The following GALNT10 variants were observed in gnomAD, a reference collection of about 807,000 sequenced individuals.
GALNT10 encodes polypeptide N-acetylgalactosaminyltransferase 10.
A neutral mutation model predicts 75.0 loss-of-function variants in GALNT10; 41 were observed. The observed-to-expected ratio is 0.55, with a 90% CI of 0.43 to 0.71. GALNT10 has a LOEUF of 0.71. Ranked by LOEUF, GALNT10 falls within the 30% of genes least tolerant of loss-of-function variation. The pLI is 0.00. For missense variants in GALNT10, 727 were observed against 818.5 expected (o/e 0.89, Z 1.36); for synonymous variants, 302 against 313.0 (o/e 0.96, Z 0.37).
chr5:154,383,114 G>A (rs1453079673), intron 6 of GALNT10, among the ~76,000 whole-genome samples: 2 of 152,222 alleles, frequency 1.3e-5, no homozygotes, highest in African/African-American at 4.8e-5. Context: ...CACTGGTGTA[G>A]ATGCTTTCTG....
intron 1 of GALNT10, among the ~76,000 whole-genome samples, chr5:154,211,738 C>G (rs1464788957): frequency 6.6e-6 from 1 of 152,150 alleles, no homozygotes; most frequent in Non-Finnish European, 1.5e-5. Context: ...TAATCTACTT[C>G]CAAGATGGCT....
rs1043242134 is a variant in GALNT10, at chr5:154,205,690, G to C, written c.159+14665G>C. The stretch of plus-strand genomic sequence containing the variant: ...ATAGGGTGGGCCCTTAATCCTCTGT[G>C]ACTGACTGATATCCTTATAAGAAGA... On this transcript the variant is annotated intron_variant, in intron 1 of 11. Transcript: ENST00000297107. 2.6e-5 allele frequency among the ~76,000 whole-genome samples: 4 copies of C among 152,328 alleles called. No homozygotes were observed. In the East Asian group the frequency reaches 7.7e-4, roughly 29 times the overall value.
At chr5:154,346,410 G>C (rs114355921) in intron 4 of GALNT10, among the ~76,000 whole-genome samples, 1,871 of 152,232 alleles carry the variant, frequency 0.012, 30 homozygotes, top group African/African-American at 0.043. Flanking sequence ...TGGAAAATAT[G>C]AGCCAAAGCT....
intron 1 of GALNT10, among the ~76,000 whole-genome samples, chr5:154,290,903 G>A (rs1163977829): frequency 6.6e-6 from 1 of 152,204 alleles, no homozygotes; most frequent in Admixed American, 6.5e-5. Flanking sequence ...ATTTAGCTCA[G>A]ATGGCTGAGG....
intron 1 of GALNT10, among the ~76,000 whole-genome samples, chr5:154,259,839 A>G (rs1753674141): frequency 6.6e-6 from 1 of 152,238 alleles, no homozygotes. Context: ...GTTCTAACCA[A>G]CAACATGAAG....
Position 154,352,536 on chromosome 5 carries a change from G to A in GALNT10, c.568+22798G>A, listed in dbSNP as rs879402223. ...TGCAGCTGGGAGAGGTTAAGTAATT[G>A]GCCCAAGATCGCACAGCTAGTAAAC... On this transcript the variant is annotated intron_variant, in intron 4 of 11. Transcript: ENST00000297107. This position sits in a 1 kb window ranked among gnomAD's most constrained non-coding sequence, Gnocchi z 4.4. 6.6e-6 allele frequency among the ~76,000 whole-genome samples: 1 copy of A among 152,144 alleles called. No homozygotes were observed. Among genetic ancestry groups the A allele is most frequent in the Non-Finnish European group, 1.5e-5 (1 of 68,024 alleles).
chr5:154,291,966 T>C (rs1754200865), intron 1 of GALNT10, among the ~76,000 whole-genome samples: 1 of 152,170 alleles, frequency 6.6e-6, no homozygotes, highest in African/African-American at 2.4e-5. Flanking sequence ...GGCATGTCTT[T>C]TAGGTTTTCA....
intron 1 of GALNT10, among the ~76,000 whole-genome samples, chr5:154,214,699 T>C (rs1752839434): frequency 6.6e-6 from 1 of 152,182 alleles, no homozygotes; most frequent in Admixed American, 6.5e-5. Context: ...CGGGAAGGGA[T>C]TCAGTCAGCT....
intron 7 of GALNT10, among the ~76,000 whole-genome samples, chr5:154,395,233 C>A (rs17637385): frequency 0.27 from 41,163 of 152,172 alleles, 6,672 homozygotes; most frequent in Non-Finnish European, 0.37. Context: ...AGGAGGCACT[C>A]AATAAGTGGC....
chr5:154,340,725 C>T (rs1755021409), intron 4 of GALNT10, among the ~76,000 whole-genome samples: 1 of 152,168 alleles, frequency 6.6e-6, no homozygotes, highest in Non-Finnish European at 1.5e-5. Context: ...TAAAGAACTT[C>T]CAGCCCCTGA....
At chr5:154,368,392 T>G (rs1475734295) in intron 4 of GALNT10, among the ~76,000 whole-genome samples, 1 of 152,178 alleles carries the variant, frequency 6.6e-6, no homozygotes, top group African/African-American at 2.4e-5. Flanking sequence ...GATATTGAAT[T>G]GTATGCTTTA....
chr5:154,260,158 C>T (rs922114330), intron 1 of GALNT10, among the ~76,000 whole-genome samples: 2 of 152,138 alleles, frequency 1.3e-5, no homozygotes, highest in Non-Finnish European at 2.9e-5. Flanking sequence ...TACTATTTCT[C>T]CTCTGAGAAG....
chr5:154,344,403 G>T (rs1446292378), intron 4 of GALNT10, among the ~76,000 whole-genome samples: 1 of 151,742 alleles, frequency 6.6e-6, no homozygotes, highest in Non-Finnish European at 1.5e-5. Flanking sequence ...ATAGAAACAG[G>T]GTTTCACTAT....
At chr5:154,294,137 C>A (rs555974245) in intron 1 of GALNT10, among the ~76,000 whole-genome samples, 1 of 152,262 alleles carries the variant, frequency 6.6e-6, no homozygotes, top group Non-Finnish European at 1.5e-5. Context: ...CCCAGGAGTT[C>A]AAGACCAACC....
chr5:154,308,803 G>A (rs1227876798), intron 3 of GALNT10, among the ~76,000 whole-genome samples: 3 of 152,170 alleles, frequency 2.0e-5, no homozygotes, highest in Non-Finnish European at 4.4e-5. Context: ...GAGATTTCAA[G>A]CATATTAGTC....
At chr5:154,411,747 T>C (rs1470037175) in intron 9 of GALNT10, among the ~76,000 whole-genome samples, 3 of 152,212 alleles carry the variant, frequency 2.0e-5, no homozygotes, top group African/African-American at 7.2e-5. Flanking sequence ...GCTTCCTCAC[T>C]TGTGTTAGTT....
At chr5:154,359,358 C>T (rs1755346195) in intron 4 of GALNT10, among the ~76,000 whole-genome samples, 1 of 152,040 alleles carries the variant, frequency 6.6e-6, no homozygotes, top group South Asian at 2.1e-4. Context: ...AGTCCTGCCT[C>T]TGGCCCCAGG....
chr5:154,296,066 G>C (rs867155262), intron 2 of GALNT10, among the ~76,000 whole-genome samples: 2 of 152,106 alleles, frequency 1.3e-5, no homozygotes. Context: ...AATGGGTGCT[G>C]CTCTTTTTTT....
chr5:154,294,897 C>T lies in GALNT10; in HGVS notation c.241C>T (p.Arg81Trp), dbSNP rs1352394102. The T allele has an allele frequency of 8.9e-6, 14 of 1,577,956 alleles. No homozygotes were observed. Among genetic ancestry groups the T allele is most frequent in the South Asian group, 4.4e-5 (4 of 90,382 alleles). ...GGACTGGCATGACAAGGAGGCCATC[C>T]GGAGGGACGCTCAGCGCGTAGGTAC... ...LKDWHDKEAI[R>W]RDAQRVGNGE... The change falls in exon 2 of 12, where the codon CGG (arginine) becomes TGG (tryptophan). Residue 81 changes from arginine to tryptophan, a missense_variant. Coordinates refer to ENST00000297107, the MANE Select transcript of GALNT10 (RefSeq NM_198321.4).
Sources: allele counts gnomAD v4.1 joint callset (sites outside exome capture counted in the v4.1 genomes callset), GRCh38; gene constraint gnomAD v4.1.1; non-coding constraint Gnocchi (gnomAD v3.1); transcripts MANE v1.5; gene names NCBI Gene and HGNC (gene_info 2026-07-23, HGNC 2026-07-21).